NAALAD2: variants seen among roughly 807,000 people sequenced by gnomAD.
The protein encoded by NAALAD2 is N-acetylated-alpha-linked acidic dipeptidase 2.
NAALAD2 carries 89 observed loss-of-function variants against 95.6 expected under a neutral mutation model. The ratio of observed to expected loss-of-function variants is 0.93; its 90% CI spans 0.78 to 1.11. NAALAD2 has a LOEUF of 1.11. Ranked by LOEUF, NAALAD2 falls within the 50% of genes least tolerant of loss-of-function variation. The pLI is 0.00. For missense variants in NAALAD2, 894 were observed against 872.4 expected (o/e 1.02, Z -0.31); for synonymous variants, 264 against 294.4 (o/e 0.90, Z 1.06).
At chr11:90,168,842 CT>C in intron 11 of NAALAD2, 86 bp from the exon 12 acceptor site, 1 of 1,107,560 alleles carries the variant, frequency 9.0e-7, no homozygotes, top group Non-Finnish European at 1.3e-6. Flanking sequence ...TTGTAAACCG[CT>C]TTTCCACGAA....
intron 3 of NAALAD2, among the ~76,000 whole-genome samples, chr11:90,147,730 C>A (rs1303604129): frequency 6.6e-6 from 1 of 152,070 alleles, no homozygotes; most frequent in Non-Finnish European, 1.5e-5. Flanking sequence ...ATACTTCAGA[C>A]CTCAAATTAG....
At chr11:90,169,020 A>G (rs1162762690) in intron 12 of NAALAD2, 28 bp downstream of exon 12, 12 of 1,551,250 alleles carry the variant, frequency 7.7e-6, no homozygotes, top group Non-Finnish European at 1.1e-5. Context: ...TTGAAGTGAA[A>G]TTTTCAGAAA....
chr11:90,189,249 A>G (rs61903695), intron 18 of NAALAD2, among the ~76,000 whole-genome samples: 28,667 of 152,052 alleles, frequency 0.19, 3,105 homozygotes, highest in Middle Eastern at 0.27. Flanking sequence ...TGTGACCCTG[A>G]TCATACCTTG....
At chr11:90,156,937 T>C (rs908761309) in intron 6 of NAALAD2, among the ~76,000 whole-genome samples, 8 of 152,202 alleles carry the variant, frequency 5.3e-5, no homozygotes, top group Non-Finnish European at 8.8e-5. Context: ...CTTTCTAATA[T>C]TGATTTCTAA....
intron 13 of NAALAD2, among the ~76,000 whole-genome samples, chr11:90,170,475 C>A (rs1351576423): frequency 3.3e-5 from 5 of 152,176 alleles, no homozygotes; most frequent in Admixed American, 6.5e-5. Flanking sequence ...CTCATTCATT[C>A]ATTCAACAAA....
At chr11:90,161,814 A>T (rs907641749) in intron 8 of NAALAD2, among the ~76,000 whole-genome samples, 4 of 151,974 alleles carry the variant, frequency 2.6e-5, no homozygotes, top group African/African-American at 7.2e-5. Flanking sequence ...CTAATCATAT[A>T]TCTAAGGCTC....
intron 17 of NAALAD2, 25 bp downstream of exon 17, chr11:90,181,726 TAAAAAA>T (rs3832738): frequency 0.063 from 61,624 of 976,186 alleles, 1,447 homozygotes; most frequent in Middle Eastern, 0.13. Flanking sequence ...CCTTTTTTTT[TAAAAAA>T]AAAAAAAAAA....
chr11:90,134,454 G>A (rs1165774803), upstream of NAALAD2: 46 of 362,538 alleles, frequency 1.3e-4, 1 homozygote, highest in Admixed American at 1.8e-3. Context: ...GAGTTCTTTA[G>A]GAAAAAATTA....
chr11:90,183,109 G>C (rs1857016984), intron 18 of NAALAD2, 101 bp downstream of exon 18: 1 of 750,518 alleles, frequency 1.3e-6, no homozygotes, highest in South Asian at 1.6e-5. Flanking sequence ...AGGCAAATAT[G>C]TACACTCTAG....
At position 90,163,029 on chromosome 11, in the gene NAALAD2, A is replaced by C. The variant is rs1424036564; in HGVS notation, c.1070A>C (p.Glu357Ala). 2 of 1,554,634 alleles carry C rather than the reference A, an allele frequency of 1.3e-6. No individual in the cohort carries two copies. Among genetic ancestry groups the C allele is most frequent in the South Asian group, 2.4e-5 (2 of 81,786 alleles). The change falls in exon 9 of 19, where the codon GAA (glutamate) becomes GCA (alanine). Residue 357 changes from glutamate (E) to alanine (A), a missense_variant. Physicochemically the swap from Glu to Ala is moderately radical, Grantham distance 107. Coordinates refer to ENST00000534061, the MANE Select transcript of NAALAD2 (RefSeq NM_005467.4). ...NVVGTIRGSV[E>A]PDRYVILGGH... ...GTTGGAACTATCAGAGGATCTGTGG[A>C]ACCTGGTGAGTCACATAATTTTTTA...
Position 90,135,604 on chromosome 11 carries a change from A to C in NAALAD2, c.128A>C (p.Tyr43Ser). The C allele has an allele frequency of 6.2e-7, 1 of 1,613,558 alleles. No homozygotes were observed. The highest frequency in any genetic ancestry group is 8.5e-7 in the Non-Finnish European group (1 of 1,179,722). The change falls in exon 2 of 19, where the codon TAT becomes TCT. Residue 43 changes from tyrosine (Y) to serine (S), a missense_variant. Transcript: ENST00000534061. ...PLKETTTSVR[Y>S]HQSIRWKLVS... ...AAAGAAACGACCACTTCTGTGCGCT[A>C]TCATCAAAGTATACGGTGGAAACTG... is the stretch of plus-strand genomic sequence containing the variant.
intron 6 of NAALAD2, among the ~76,000 whole-genome samples, chr11:90,155,275 A>G (rs2134884347): frequency 8.3e-6 from 1 of 120,466 alleles, no homozygotes; most frequent in Non-Finnish European, 1.6e-5. Context: ...TAGAATGTAT[A>G]TATTATATAT....
chr11:90,149,487 T>C (rs11018881), intron 4 of NAALAD2, among the ~76,000 whole-genome samples: 68,179 of 151,668 alleles, frequency 0.45, 16,298 homozygotes, highest in African/African-American at 0.62. Flanking sequence ...CAGGCTGGAG[T>C]GCAGTGGCAC....
At chr11:90,145,052 A>G (rs1318568570) in intron 2 of NAALAD2, among the ~76,000 whole-genome samples, 1 of 152,114 alleles carries the variant, frequency 6.6e-6, no homozygotes, top group Non-Finnish European at 1.5e-5. Context: ...CCATAAGCCA[A>G]TCATTACCCT....
intron 11 of NAALAD2, 146 bp downstream of exon 11, chr11:90,163,763 A>G (rs1246390794): frequency 3.7e-6 from 3 of 817,740 alleles, no homozygotes; most frequent in Non-Finnish European, 6.1e-6. Context: ...GAAATAGTTT[A>G]TTTTTACTTT....
In NAALAD2 at chr11:90,181,732, A is replaced by T. The variant is rs745637963; in HGVS notation, c.1940+31A>T. On this transcript the variant is annotated intron_variant, in intron 17 of 18. Transcript: ENST00000534061. ...TTTCAAATCCCTTTTTTTTTAAAAA[A>T]AAAAAAAAAAGCAATCTGGTTACTA... 1.1e-3 allele frequency: 1,008 copies of T among 878,284 alleles called. 1 individual carries two copies. Among genetic ancestry groups the T allele is most frequent in the Admixed American group, 5.8e-3 (123 of 21,352 alleles). The allele number at this position is 878,284 out of a possible 1,614,324, so 54.4% of individuals were successfully genotyped here.
chr11:90,134,918 G>T, intron 1 of NAALAD2, 78 bp downstream of exon 1: 3 of 1,514,326 alleles, frequency 2.0e-6, no homozygotes, highest in Non-Finnish European at 1.8e-6. Flanking sequence ...TCCTGGAGCT[G>T]GAAGGGATTG....
intron 6 of NAALAD2, among the ~76,000 whole-genome samples, chr11:90,155,816 A>C (rs1374913718): frequency 8.0e-6 from 1 of 124,472 alleles, no homozygotes; most frequent in East Asian, 2.2e-4. Context: ...ATAATATATA[A>C]TATATATGTA....
At position 90,183,940 on chromosome 11, in the gene NAALAD2, C is replaced by G. The variant is rs563071351; in HGVS notation, c.2033+932C>G. On this transcript the variant is annotated intron_variant, in intron 18 of 18. Coordinates refer to ENST00000534061, the MANE Select transcript of NAALAD2 (RefSeq NM_005467.4). ...TATTTTCCTATCTGTATCTCTACAT[C>G]ATGTTCTCTTTCAGTATCTTGGCTG... Among the ~76,000 whole-genome samples the G allele has an allele frequency of 1.3e-3, 203 of 152,222 alleles. 3 individuals are homozygous for G. The highest frequency in any genetic ancestry group is 4.8e-3 in the African/African-American group (198 of 41,548).
Sources: gnomAD v4.1 joint callset for allele counts (sites outside exome capture counted in the v4.1 genomes callset) on GRCh38, gnomAD v4.1.1 for gene constraint, MANE v1.5 for transcripts, NCBI Gene and HGNC (gene_info 2026-07-23, HGNC 2026-07-21) for gene names.